KCNH1: variants seen among roughly 807,000 people sequenced by gnomAD.
KCNH1 encodes the protein potassium voltage-gated channel subfamily H member 1.
Under a neutral mutation model 69.2 loss-of-function variants are expected in KCNH1, and 27 were observed. The observed-to-expected ratio is 0.39, with a 90% confidence interval of 0.29 to 0.54. The LOEUF is 0.54. Among genes scored for constraint, KCNH1 ranks in the 20% least tolerant of loss-of-function variants. The pLI is 0.68. For synonymous variants in KCNH1, 456 were observed against 487.7 expected, an observed-to-expected ratio of 0.93 and a Z score of 0.86; for missense variants, 798 against 1,261.6, an observed-to-expected ratio of 0.63 and a Z score of 5.57.
intron 7 of KCNH1, among the ~76,000 whole-genome samples, chr1:210,888,345 G>T (rs554652712): frequency 6.6e-6 from 1 of 152,078 alleles, no homozygotes; most frequent in Non-Finnish European, 1.5e-5. Context: ...AAATAAATAA[G>T]TTCCTTGAAA....
chr1:210,993,929 T>C (rs1003180706), intron 6 of KCNH1, among the ~76,000 whole-genome samples: 1 of 151,830 alleles, frequency 6.6e-6, no homozygotes, highest in Admixed American at 6.6e-5. Flanking sequence ...TAAAAAAAAA[T>C]GTGTGCTTAT....
At chr1:210,818,063 GCTTTTC>G (rs1186510002) in intron 7 of KCNH1, among the ~76,000 whole-genome samples, 1 of 152,100 alleles carries the variant, frequency 6.6e-6, no homozygotes, top group Admixed American at 6.6e-5. Flanking sequence ...ATGCTCTGCT[GCTTTTC>G]CTTGAGTAAA....
In KCNH1 at chr1:211,134,002, G is replaced by C. The variant is rs986094399; in HGVS notation, c.-57C>G. ...CTGGCGCGGCTTCTTACGACAGCAG[G>C]AAACTGGCCTCGGGGCCCGCACGCA... On this transcript the variant is annotated 5_prime_UTR_variant, in exon 1 of 11. Transcript: ENST00000271751. The surrounding 1 kb of genome is among the most constrained non-coding windows in gnomAD (Gnocchi z 5.7). 4.0e-6 allele frequency: 6 copies of C among 1,497,312 alleles called. No individual in the cohort carries two copies. Among genetic ancestry groups the C allele is most frequent in the Non-Finnish European group, 5.6e-6 (6 of 1,079,864 alleles). 92.8% of individuals were successfully genotyped at this position (1,497,312 alleles called of 1,614,324 possible).
At chr1:210,839,772 A>G (rs1685366337) in intron 7 of KCNH1, among the ~76,000 whole-genome samples, 1 of 152,212 alleles carries the variant, frequency 6.6e-6, no homozygotes, top group African/African-American at 2.4e-5. Flanking sequence ...ATTTACAAGT[A>G]TTCTGTGTAT....
intron 7 of KCNH1, among the ~76,000 whole-genome samples, chr1:210,808,092 G>A (rs1305142327): frequency 1.3e-5 from 2 of 152,140 alleles, no homozygotes; most frequent in Admixed American, 1.3e-4. Flanking sequence ...CATGAAGTGT[G>A]GTCAGAACTA....
chr1:210,843,057 A>G (rs1477723085), intron 7 of KCNH1, among the ~76,000 whole-genome samples: 2 of 152,214 alleles, frequency 1.3e-5, no homozygotes, highest in Non-Finnish European at 2.9e-5. Context: ...TCCTTGGTGA[A>G]AGAAATAAGG....
chr1:210,692,570 G>T (rs530693389), intron 10 of KCNH1, among the ~76,000 whole-genome samples: 1 of 152,268 alleles, frequency 6.6e-6, no homozygotes, highest in East Asian at 1.9e-4. Context: ...TTGGAATAAG[G>T]TTCTTTGCAG....
At chr1:210,994,528 G>T (rs538721443) in intron 6 of KCNH1, among the ~76,000 whole-genome samples, 2 of 152,332 alleles carry the variant, frequency 1.3e-5, no homozygotes, top group South Asian at 2.1e-4. Context: ...GGTAGTCTGT[G>T]CAGGGTCTTA....
At chr1:211,075,933 C>T (rs770731415) in intron 5 of KCNH1, among the ~76,000 whole-genome samples, 3 of 152,354 alleles carry the variant, frequency 2.0e-5, no homozygotes, top group African/African-American at 4.8e-5. Context: ...GATTATATCC[C>T]GCACCTGGCT....
intron 5 of KCNH1, among the ~76,000 whole-genome samples, chr1:211,031,057 A>G (rs1302312230): frequency 6.6e-6 from 1 of 151,964 alleles, no homozygotes; most frequent in Non-Finnish European, 1.5e-5. Flanking sequence ...CACACCTATT[A>G]AAATGGCTAA....
intron 9 of KCNH1, among the ~76,000 whole-genome samples, chr1:210,790,143 T>C (rs575538680): frequency 6.6e-6 from 1 of 152,370 alleles, no homozygotes; most frequent in East Asian, 1.9e-4. Flanking sequence ...ACTATTCCTA[T>C]GTTCTATCTG....
intron 7 of KCNH1, among the ~76,000 whole-genome samples, chr1:210,872,856 G>A (rs1313030278): frequency 2.0e-5 from 3 of 152,126 alleles, no homozygotes; most frequent in South Asian, 4.2e-4. Context: ...TTTGGGTGGG[G>A]ACACAGATCC....
intron 7 of KCNH1, among the ~76,000 whole-genome samples, chr1:210,810,305 G>A (rs1684676509): frequency 6.6e-6 from 1 of 152,062 alleles, no homozygotes; most frequent in African/African-American, 2.4e-5. Flanking sequence ...ATTATAACCT[G>A]TATTTTTTCT....
At chr1:210,698,832 C>G (rs1044890864) in intron 10 of KCNH1, among the ~76,000 whole-genome samples, 2 of 152,230 alleles carry the variant, frequency 1.3e-5, no homozygotes, top group Non-Finnish European at 2.9e-5. Context: ...TGGTCTGCCA[C>G]CAGAGCCTGA....
At chr1:211,013,473 G>A (rs1362569865) in intron 6 of KCNH1, among the ~76,000 whole-genome samples, 1 of 152,220 alleles carries the variant, frequency 6.6e-6, no homozygotes, top group Non-Finnish European at 1.5e-5. Context: ...GGGAACAGCA[G>A]GAGCCATGCC....
chr1:211,056,911 G>A (rs1281649075), intron 5 of KCNH1, among the ~76,000 whole-genome samples: 4 of 152,104 alleles, frequency 2.6e-5, no homozygotes, highest in Admixed American at 1.3e-4. Context: ...TACATGGAAA[G>A]CCCTCCCAAG....
chr1:210,959,557 C>T lies in KCNH1; in HGVS notation c.1033-39488G>A, dbSNP rs562521674. ...TCTAGAGGCAGTAGGCCTTGTTGAGCTGCAGTTCGAGCTTCCCAGCCACTT... is the reference window on the plus strand; with the variant it reads ...TCTAGAGGCAGTAGGCCTTGTTGAGTTGCAGTTCGAGCTTCCCAGCCACTT... On this transcript the variant is annotated intron_variant, in intron 6 of 10. Transcript: ENST00000271751. Among the ~76,000 whole-genome samples, 21 of 152,276 alleles carry T rather than the reference C, an allele frequency of 1.4e-4. 1 individual carries two copies. Among genetic ancestry groups the T allele is most frequent in the Non-Finnish European group, 2.9e-4 (20 of 67,998 alleles).
intron 5 of KCNH1, among the ~76,000 whole-genome samples, chr1:211,055,077 A>G (rs527541940): frequency 2.4e-4 from 36 of 152,302 alleles, no homozygotes; most frequent in Admixed American, 1.1e-3. Context: ...TATCCACACA[A>G]AAAAAGCACC....
In KCNH1 at chr1:210,683,329, C is replaced by T. The variant is rs766530665; in HGVS notation, c.2922G>A (p.Ser974=). The T allele has an allele frequency of 6.2e-6, 10 of 1,613,976 alleles. No individual in the cohort carries two copies. The highest frequency in any genetic ancestry group is 4.5e-5 in the East Asian group (2 of 44,866). ...SQSPQELFEI[S]RPQSPESERD... Reference sequence around the variant, plus strand: ...TCTCTGATTCTGGGGACTGTGGCCTCGATATTTCAAACAACTCCTGAGGAG... The same window carrying T: ...TCTCTGATTCTGGGGACTGTGGCCTTGATATTTCAAACAACTCCTGAGGAG... Residue 974 remains serine (S), a synonymous_variant, in exon 11 of 11, where the codon TCG becomes TCA. Transcript: ENST00000271751. This position sits in a 1 kb window ranked among gnomAD's most constrained non-coding sequence, Gnocchi z 5.7.
Sources: allele counts gnomAD v4.1 joint callset (sites outside exome capture counted in the v4.1 genomes callset), GRCh38; gene constraint gnomAD v4.1.1; non-coding constraint Gnocchi (gnomAD v3.1); transcripts MANE v1.5; gene names NCBI Gene and HGNC (gene_info 2026-07-23, HGNC 2026-07-21).